Variants in ZNF385D observed in about 807,000 individuals in gnomAD.
ZNF385D encodes zinc finger protein 659.
A neutral mutation model predicts 35.8 loss-of-function variants in ZNF385D; 15 were observed. That is an observed-to-expected ratio of 0.42 (90% confidence interval 0.28 to 0.64). The LOEUF (loss-of-function observed/expected upper bound fraction) is 0.64. ZNF385D is among the 30% of genes least tolerant of loss of function. The pLI, the probability that ZNF385D is intolerant of heterozygous loss-of-function variation, is 0.23. For synonymous variants in ZNF385D, 212 were observed against 186.8 expected, an observed-to-expected ratio of 1.13 and a Z score of -1.10; for missense variants, 474 against 494.6, an observed-to-expected ratio of 0.96 and a Z score of 0.39.
At chr3:22,135,937 A>G (rs184548622) in intron 3 of ZNF385D, among the ~76,000 whole-genome samples, 61 of 152,332 alleles carry the variant, frequency 4.0e-4, no homozygotes, top group Admixed American at 1.4e-3. Context: ...GGCAAAAATA[A>G]TAACTTTAAC....
intron 2 of ZNF385D, among the ~76,000 whole-genome samples, chr3:22,181,789 C>G (rs1009841604): frequency 7.9e-5 from 12 of 151,644 alleles, no homozygotes; most frequent in Non-Finnish European, 1.6e-4. Flanking sequence ...TGCCCATAGA[C>G]TCTCCTTCAC....
intron 1 of ZNF385D, among the ~76,000 whole-genome samples, chr3:21,687,498 G>A (rs181460005): frequency 2.0e-5 from 3 of 152,188 alleles, no homozygotes; most frequent in Non-Finnish European, 4.4e-5. Flanking sequence ...CGCTACACAT[G>A]TATAGCTTTT....
intron 3 of ZNF385D, among the ~76,000 whole-genome samples, chr3:21,869,467 G>A (rs1697569202): frequency 6.6e-6 from 1 of 152,080 alleles, no homozygotes. Flanking sequence ...CATTTAGAGA[G>A]TAACCTTGAT....
intron 2 of ZNF385D, among the ~76,000 whole-genome samples, chr3:22,334,208 T>C (rs112791719): frequency 7.2e-5 from 11 of 152,316 alleles, no homozygotes; most frequent in African/African-American, 2.6e-4. Context: ...TTGAGTTCTA[T>C]TTGTTATCTG....
At chr3:22,132,781 A>T (rs1037591971) in intron 3 of ZNF385D, among the ~76,000 whole-genome samples, 2 of 152,144 alleles carry the variant, frequency 1.3e-5, no homozygotes, top group Non-Finnish European at 2.9e-5. Flanking sequence ...AAAGGCACTA[A>T]AAGTATATTT....
intron 2 of ZNF385D, among the ~76,000 whole-genome samples, chr3:22,313,375 T>G (rs145712017): frequency 0.019 from 2,922 of 152,056 alleles, 67 homozygotes; most frequent in Non-Finnish European, 0.025. Flanking sequence ...GTTGTGCACA[T>G]GTACCCTAAA....
intron 1 of ZNF385D, among the ~76,000 whole-genome samples, chr3:21,734,284 G>A (rs1479878840): frequency 1.7e-5 from 1 of 58,454 alleles, no homozygotes; most frequent in Non-Finnish European, 4.1e-5. Flanking sequence ...GAACACTCAG[G>A]GTTTTTTTTT....
At chr3:21,558,237 T>A (rs1432951438) in intron 3 of ZNF385D, among the ~76,000 whole-genome samples, 2 of 152,046 alleles carry the variant, frequency 1.3e-5, no homozygotes, top group Non-Finnish European at 2.9e-5. Context: ...GTTCTTTTAA[T>A]TGTGATGTTA....
chr3:22,217,919 A>G (rs1697992910), intron 2 of ZNF385D, among the ~76,000 whole-genome samples: 1 of 152,152 alleles, frequency 6.6e-6, no homozygotes, highest in African/African-American at 2.4e-5. Context: ...ATATTAGAAC[A>G]GCACTCCAAT....
At chr3:22,000,764 G>GAAA (rs34477208) in intron 3 of ZNF385D, among the ~76,000 whole-genome samples, 2 of 149,742 alleles carry the variant, frequency 1.3e-5, no homozygotes, top group East Asian at 3.9e-4. Flanking sequence ...TCTGAAAGAG[G>GAAA]AAAAAAAAAC....
At chr3:22,311,520 C>T (rs1156475121) in intron 2 of ZNF385D, among the ~76,000 whole-genome samples, 1 of 151,914 alleles carries the variant, frequency 6.6e-6, no homozygotes, top group East Asian at 1.9e-4. Flanking sequence ...ATTCATTCAG[C>T]TAAATTTTGT....
chr3:21,551,918 A>AT (rs1199929674), intron 3 of ZNF385D, among the ~76,000 whole-genome samples: 4 of 152,318 alleles, frequency 2.6e-5, no homozygotes, highest in African/African-American at 7.2e-5. Context: ...GGGTTAAAAA[A>AT]ATATATAAAA....
intron 3 of ZNF385D, among the ~76,000 whole-genome samples, chr3:21,884,553 C>T (rs1698442932): frequency 6.6e-6 from 1 of 151,992 alleles, no homozygotes; most frequent in Non-Finnish European, 1.5e-5. Flanking sequence ...AAGTTTTCAA[C>T]ACAGCCAACA....
chr3:22,279,372 TC>T (rs1048579253), intron 2 of ZNF385D, among the ~76,000 whole-genome samples: 11 of 151,942 alleles, frequency 7.2e-5, no homozygotes, highest in African/African-American at 2.7e-4. Flanking sequence ...GGTCTTCCAC[TC>T]CTGAATTACT....
chr3:22,034,412 G>A (rs1433291461), intron 3 of ZNF385D, among the ~76,000 whole-genome samples: 1 of 152,054 alleles, frequency 6.6e-6, no homozygotes, highest in South Asian at 2.1e-4. Context: ...ATTTATTTCT[G>A]TTATTTATAT....
intron 3 of ZNF385D, among the ~76,000 whole-genome samples, chr3:21,881,452 T>G (rs1299056815): frequency 1.3e-5 from 2 of 151,996 alleles, no homozygotes; most frequent in East Asian, 3.9e-4. Context: ...ATTGATTTAC[T>G]GATTATTTTA....
chr3:21,820,613 T>C (rs1254371539), intron 3 of ZNF385D, among the ~76,000 whole-genome samples: 2 of 150,722 alleles, frequency 1.3e-5, no homozygotes, highest in African/African-American at 2.4e-5. Flanking sequence ...ATAATAAAGA[T>C]ACATGAAAAA....
At chr3:21,484,659 T>C (rs1704893805) in intron 4 of ZNF385D, among the ~76,000 whole-genome samples, 1 of 152,100 alleles carries the variant, frequency 6.6e-6, no homozygotes, top group Admixed American at 6.6e-5. Context: ...CTTGCATTAG[T>C]GCTGAGCACA....
intron 3 of ZNF385D, among the ~76,000 whole-genome samples, chr3:21,520,456 T>C (rs1199409991): frequency 2.6e-5 from 4 of 152,234 alleles, no homozygotes; most frequent in Non-Finnish European, 5.9e-5. Flanking sequence ...ATTTTGTATG[T>C]GAACAGGGTT....
Sources: gnomAD v4.1 joint callset for allele counts (sites outside exome capture counted in the v4.1 genomes callset) on GRCh38, gnomAD v4.1.1 for gene constraint, MANE v1.5 for transcripts, NCBI Gene and HGNC (gene_info 2026-07-23, HGNC 2026-07-21) for gene names.